The following GOLM1 variants were observed in gnomAD, a reference collection of about 807,000 sequenced individuals.
GOLM1 encodes the protein epididymis luminal protein 46.
Under a neutral mutation model 50.5 loss-of-function variants are expected in GOLM1, and 31 were observed. That is an observed-to-expected ratio of 0.61 (90% CI 0.46 to 0.83). GOLM1 has a LOEUF of 0.83. Among genes scored for constraint, GOLM1 ranks in the 40% least tolerant of loss-of-function variants. The probability of loss-of-function intolerance (pLI) is 0.00; values close to 1 mark genes in which losing one functional copy is unlikely to be tolerated. For missense variants in GOLM1, 491 were observed against 501.3 expected, an observed-to-expected ratio of 0.98 and a Z score of 0.20; for synonymous variants, 178 against 192.8, an observed-to-expected ratio of 0.92 and a Z score of 0.64.
intron 3 of GOLM1, among the ~76,000 whole-genome samples, chr9:86,054,447 C>G (rs1326687978): frequency 6.6e-6 from 1 of 152,158 alleles, no homozygotes; most frequent in African/African-American, 2.4e-5. Context: ...TGGTCTCAAA[C>G]TTCTGACCTC....
chr9:86,099,107 G>C (rs891930273), intron 1 of GOLM1, among the ~76,000 whole-genome samples: 1 of 152,186 alleles, frequency 6.6e-6, no homozygotes, highest in Non-Finnish European at 1.5e-5. Flanking sequence ...GACAGGCCCC[G>C]CATCGCCTGA....
chr9:86,087,705 GT>G (rs1835023531), intron 1 of GOLM1, among the ~76,000 whole-genome samples: 1 of 152,148 alleles, frequency 6.6e-6, no homozygotes, highest in Admixed American at 6.5e-5. Context: ...GAACCATGTG[GT>G]TTTTGCCATT....
At chr9:86,060,876 CAAAAAAAAAAAAAAAAAAA>C (rs753183065) in intron 3 of GOLM1, among the ~76,000 whole-genome samples, 938 of 19,876 alleles carry the variant, frequency 0.047, 20 homozygotes, top group African/African-American at 0.12. Flanking sequence ...GAAACTCTCT[CAAAAAAAAAAAAAAAAAAA>C]AAAAAAAAAA....
intron 6 of GOLM1, 53 bp from the exon 7 acceptor site, chr9:86,036,560 C>G (rs1833153641): frequency 6.3e-7 from 1 of 1,583,082 alleles, no homozygotes; most frequent in African/African-American, 1.4e-5. Flanking sequence ...TGAACAGAAG[C>G]CGTAAAAGAA....
At chr9:86,099,301 C>T (rs1835455332) in intron 1 of GOLM1, 110 bp downstream of exon 1, 1 of 152,266 alleles carries the variant, frequency 6.6e-6, no homozygotes, top group African/African-American at 2.4e-5. Flanking sequence ...CGGGGAGGCT[C>T]CGGGGACCGA....
chr9:86,060,902 AAAAAAAAAAAAAG>A lies in GOLM1; in HGVS notation c.310-8324_310-8312del, dbSNP rs1426576317. On this transcript the variant is annotated intron_variant, in intron 3 of 9. Transcript: ENST00000388712. ...AAAAAAAAAAAAAAAAAAAAAAAAAAAAAAAAAAAAAAGAAGAAGAAGAAGAAGTTACACAACA... is the reference window on the plus strand; with the variant it reads ...AAAAAAAAAAAAAAAAAAAAAAAAAAAAGAAGAAGAAGAAGTTACACAACA... 6.1e-4 allele frequency among the ~76,000 whole-genome samples: 47 copies of A among 76,674 alleles called. 8 individuals are homozygous for A. Among genetic ancestry groups the A allele is most frequent in the African/African-American group, 2.6e-3 (21 of 8,040 alleles). The allele number at this position is 76,674 out of a possible 152,430, so 50.3% of individuals were successfully genotyped here.
intron 5 of GOLM1, among the ~76,000 whole-genome samples, chr9:86,041,968 T>C (rs1253278087): frequency 6.6e-6 from 1 of 152,000 alleles, no homozygotes; most frequent in South Asian, 2.1e-4. Flanking sequence ...ACACAAAAAA[T>C]TGGCTGGGCA....
chr9:86,031,066 T>C (rs1452763148), intron 9 of GOLM1, among the ~76,000 whole-genome samples: 1 of 152,064 alleles, frequency 6.6e-6, no homozygotes, highest in Admixed American at 6.5e-5. Context: ...AAATATTAGC[T>C]GGACGTGGTG....
In GOLM1 at chr9:86,033,335, T is replaced by G; in HGVS notation, c.1076A>C (p.Glu359Ala). Residue 359 changes from glutamate (E) to alanine (A), a missense_variant, in exon 9 of 10, where the codon GAA (glutamate) becomes GCA (alanine). By Grantham distance (107) the Glu-to-Ala change is moderately radical (BLOSUM62 -1). Transcript: ENST00000388712. ...DDYNMDENEA[E>A]SETDKQAALA... ...GGCTGCTTGCTTGTCTGTCTCAGAT[T>G]CTGCTTCATTTTCATCCATGTTGTA... is the stretch of plus-strand genomic sequence containing the variant. The G allele has an allele frequency of 6.2e-7, 1 of 1,613,874 alleles. No individual in the cohort carries two copies. Among genetic ancestry groups the G allele is most frequent in the Non-Finnish European group, 8.5e-7 (1 of 1,179,698 alleles).
At chr9:86,050,040 C>G (rs575241516) in intron 4 of GOLM1, among the ~76,000 whole-genome samples, 1 of 152,248 alleles carries the variant, frequency 6.6e-6, no homozygotes, top group Admixed American at 6.5e-5. Context: ...AGATACGTCC[C>G]ATCAATACCT....
chr9:86,027,577 GA>G lies in GOLM1; in HGVS notation c.*239del, dbSNP rs1832825277. On this transcript the variant is annotated 3_prime_UTR_variant, in exon 10 of 10. Transcript: ENST00000388712. ...CCAGTTTTGGTGTTGAACTTCTCAC[GA>G]AATACCTACTACCAAAAATTGTGAC... is the stretch of plus-strand genomic sequence containing the variant. 15 of 1,286,236 alleles carry G rather than the reference GA, an allele frequency of 1.2e-5. No homozygotes were observed. The highest frequency in any genetic ancestry group is 1.5e-5 in the Non-Finnish European group (15 of 1,017,882). 79.7% of individuals were successfully genotyped at this position (1,286,236 alleles called of 1,614,324 possible).
At chr9:86,037,030 G>A (rs1319169539) in intron 6 of GOLM1, among the ~76,000 whole-genome samples, 2 of 152,194 alleles carry the variant, frequency 1.3e-5, no homozygotes. Context: ...ATAACAGGAT[G>A]AAACTTATGA....
intron 3 of GOLM1, among the ~76,000 whole-genome samples, chr9:86,068,806 T>C (rs974918507): frequency 6.6e-6 from 1 of 152,220 alleles, no homozygotes. Context: ...ATGCTTTGTG[T>C]TCAAAACATA....
At chr9:86,045,856 G>C (rs1271953787) in intron 5 of GOLM1, among the ~76,000 whole-genome samples, 1 of 152,096 alleles carries the variant, frequency 6.6e-6, no homozygotes, top group East Asian at 1.9e-4. Context: ...GCCATGGGTG[G>C]TTGGTTCTCT....
At position 86,027,839 on chromosome 9, in the gene GOLM1, T is replaced by C; in HGVS notation, c.1184A>G (p.Glu395Gly). 1.2e-6 allele frequency: 2 copies of C among 1,613,230 alleles called. No homozygotes were observed. Among genetic ancestry groups the C allele is most frequent in the Non-Finnish European group, 1.7e-6 (2 of 1,179,258 alleles). Reference protein sequence around the residue: ...RDTINLLDQREKRNHTL With the variant: ...RDTINLLDQRGKRNHTL ...AATTCAGAGTGTATGATTCCGCTTT[T>C]CACGCTGATCAAGTAAATTTATGGT... Residue 395 changes from glutamate (E) to glycine (G), a missense_variant, in exon 10 of 10, where the codon GAA (glutamate) becomes GGA (glycine). Physicochemically the swap from Glu to Gly is moderately conservative, Grantham distance 98. Coordinates refer to ENST00000388712, the MANE Select transcript of GOLM1 (RefSeq NM_016548.4).
chr9:86,067,693 A>G (rs530576479), intron 3 of GOLM1, among the ~76,000 whole-genome samples: 1 of 152,336 alleles, frequency 6.6e-6, no homozygotes, highest in East Asian at 1.9e-4. Flanking sequence ...GAAGGAGCCC[A>G]TGAATGACCT....
At chr9:86,031,750 C>A (rs1435658309) in intron 9 of GOLM1, among the ~76,000 whole-genome samples, 1 of 151,756 alleles carries the variant, frequency 6.6e-6, no homozygotes, top group Non-Finnish European at 1.5e-5. Context: ...TGTTAGCCAC[C>A]ACGCCCAGCT....
intron 3 of GOLM1, among the ~76,000 whole-genome samples, chr9:86,072,710 G>A (rs957684149): frequency 6.6e-6 from 1 of 152,208 alleles, no homozygotes; most frequent in Non-Finnish European, 1.5e-5. Flanking sequence ...ATTGCTTAAT[G>A]ATGGGGATAG....
intron 3 of GOLM1, among the ~76,000 whole-genome samples, chr9:86,058,805 C>T (rs1336233700): frequency 6.6e-6 from 1 of 151,756 alleles, no homozygotes; most frequent in Non-Finnish European, 1.5e-5. Flanking sequence ...AAGACCAGCC[C>T]GGCCAACATG....
Sources: allele counts gnomAD v4.1 joint callset (sites outside exome capture counted in the v4.1 genomes callset), GRCh38; gene constraint gnomAD v4.1.1; transcripts MANE v1.5; gene names NCBI Gene and HGNC (gene_info 2026-07-23, HGNC 2026-07-21).